FBXW11: variants seen among roughly 807,000 people sequenced by gnomAD.
The protein encoded by FBXW11 is F-box and WD repeat domain containing 11.
FBXW11 carries 19 observed loss-of-function variants against 77.6 expected under a neutral mutation model. The observed-to-expected ratio is 0.24, with a 90% CI of 0.17 to 0.36. The LOEUF is 0.36. Ranked by LOEUF, FBXW11 falls within the 10% of genes least tolerant of loss-of-function variation. The pLI is 1.00. For missense variants in FBXW11, 334 were observed against 704.2 expected (o/e 0.47, Z 5.95); for synonymous variants, 235 against 249.4 (o/e 0.94, Z 0.54).
chr5:171,948,870 A>T (rs1156594434), intron 2 of FBXW11, among the ~76,000 whole-genome samples: 1 of 152,236 alleles, frequency 6.6e-6, no homozygotes, highest in Non-Finnish European at 1.5e-5. Flanking sequence ...TAGTAAGGCA[A>T]GGTATAGTTT....
chr5:171,945,959 T>C (rs968419827), intron 2 of FBXW11, among the ~76,000 whole-genome samples: 3 of 152,202 alleles, frequency 2.0e-5, no homozygotes, highest in Non-Finnish European at 4.4e-5. Context: ...TATGGCCAGT[T>C]GTTTGGTCAA....
At position 171,871,124 on chromosome 5, in the gene FBXW11, G is replaced by A. The variant is rs187413917; in HGVS notation, c.1341-266C>T. ...GATTTGAAACTGTTTTTAATCATGC[G>A]TCTGTATTACTATTTAAATAAAATC... On this transcript the variant is annotated intron_variant, in intron 10 of 13. Transcript: ENST00000517395. Among the ~76,000 whole-genome samples the A allele has an allele frequency of 2.6e-4, 40 of 152,166 alleles. No individual in the cohort carries two copies. The East Asian group carries it at 2.7e-3, about 10-fold the overall frequency.
At chr5:171,987,481 C>CA (rs1164891865) in intron 1 of FBXW11, among the ~76,000 whole-genome samples, 1 of 151,980 alleles carries the variant, frequency 6.6e-6, no homozygotes, top group Non-Finnish European at 1.5e-5. Context: ...GGCGGAGTGC[C>CA]ACTCTACTGC....
Position 171,974,499 on chromosome 5 carries a change from T to C in FBXW11, c.46-16801A>G, listed in dbSNP as rs10475996. Among the ~76,000 whole-genome samples, 1,415 of 150,816 alleles carry C rather than the reference T, an allele frequency of 9.4e-3. 26 individuals carry two copies. The highest frequency in any genetic ancestry group is 0.033 in the African/African-American group (1,348 of 41,058). On this transcript the variant is annotated intron_variant, in intron 1 of 13. Coordinates refer to ENST00000517395, the MANE Select transcript of FBXW11 (RefSeq NM_001378974.1). ...ATATACAGGTAGCACATCAAACACATGATTTTATAGGTTTTAATTGCTTAT... is the reference window on the plus strand; with the variant it reads ...ATATACAGGTAGCACATCAAACACACGATTTTATAGGTTTTAATTGCTTAT...
intron 1 of FBXW11, among the ~76,000 whole-genome samples, chr5:171,978,061 G>C (rs1328844602): frequency 1.3e-5 from 2 of 152,038 alleles, no homozygotes. Flanking sequence ...AACTCTAAAG[G>C]ACAAGCAGAG....
At chr5:171,888,573 C>T (rs1017427251) in intron 7 of FBXW11, among the ~76,000 whole-genome samples, 2 of 152,236 alleles carry the variant, frequency 1.3e-5, no homozygotes, top group African/African-American at 4.8e-5. Context: ...CTTAAAAACA[C>T]ACTTACCCAA....
rs201476061 is a variant in FBXW11, at chr5:171,881,066, G to GTA, written c.853-2939_853-2938dup. On this transcript the variant is annotated intron_variant, in intron 7 of 13. Coordinates refer to ENST00000517395, the MANE Select transcript of FBXW11 (RefSeq NM_001378974.1). ...CTATATGGGTAAGCAACTGACTTAA[G>GTA]TATATTAACCTTGTATCCGGCAAAC... Among the ~76,000 whole-genome samples, 928 of 152,288 alleles carry GTA rather than the reference G, an allele frequency of 6.1e-3. 6 individuals are homozygous for GTA. Among genetic ancestry groups the GTA allele is most frequent in the Non-Finnish European group, 9.0e-3 (609 of 68,020 alleles).
chr5:171,891,379 T>A (rs1759335596), intron 7 of FBXW11, 88 bp downstream of exon 7: 1 of 1,297,296 alleles, frequency 7.7e-7, no homozygotes. Context: ...TAAAAACCAA[T>A]CTAGAGTAAA....
intron 2 of FBXW11, among the ~76,000 whole-genome samples, chr5:171,915,470 T>C (rs1044743158): frequency 6.6e-6 from 1 of 152,150 alleles, no homozygotes; most frequent in African/African-American, 2.4e-5. Flanking sequence ...CCAATGTAGG[T>C]AATGATGTAA....
rs1310419699 is a variant in FBXW11, at chr5:171,869,779, C to T, written c.1480G>A (p.Ala494Thr). 1.2e-6 allele frequency: 2 copies of T among 1,610,452 alleles called. No homozygotes were observed. Among genetic ancestry groups the T allele is most frequent in the Non-Finnish European group, 1.7e-6 (2 of 1,178,034 alleles). The change falls in exon 12 of 14, where the codon GCT becomes ACT. Residue 494 changes from alanine (A) to threonine (T), a missense_variant. Physicochemically the swap from Ala to Thr is moderately conservative, Grantham distance 58. This residue lies in a region of FBXW11 where 30 missense variants were observed against 50.7 expected (regional missense o/e 0.59). Coordinates refer to ENST00000517395, the MANE Select transcript of FBXW11 (RefSeq NM_001378974.1). This position sits in a 1 kb window ranked among gnomAD's most constrained non-coding sequence, Gnocchi z 4.1. ...GKIKVWDLQA[A>T]LDPRAPASTL... is the part of the protein sequence containing the mutation. ...CTTGCTGGGGCTCGAGGGTCAAGAG[C>T]AGCTTGCAAGTCCCAAACTTTAATT...
chr5:171,899,862 G>T, intron 5 of FBXW11, 52 bp downstream of exon 5: 1 of 1,426,098 alleles, frequency 7.0e-7, no homozygotes, highest in Non-Finnish European at 9.4e-7. Context: ...TAATCAAGCT[G>T]ACTCTATGTC....
At chr5:171,912,460 G>C (rs1055491363) in intron 3 of FBXW11, among the ~76,000 whole-genome samples, 1 of 152,152 alleles carries the variant, frequency 6.6e-6, no homozygotes, top group African/African-American at 2.4e-5. Context: ...GCAAGAATAA[G>C]GGGCATCTAA....
At chr5:171,891,239 T>C (rs1265298803) in intron 7 of FBXW11, among the ~76,000 whole-genome samples, 2 of 152,120 alleles carry the variant, frequency 1.3e-5, no homozygotes, top group South Asian at 2.1e-4. Flanking sequence ...ATACAGAATA[T>C]AGAATGTGAA....
chr5:171,923,909 C>CTTTTTTTTTTTTTTTTTTTT (rs70982354), intron 2 of FBXW11, among the ~76,000 whole-genome samples: 1 of 49,130 alleles, frequency 2.0e-5, no homozygotes, highest in African/African-American at 9.0e-5. Context: ...GAAACCCCAC[C>CTTTTTTTTTTTTTTTTTTTT]TTTTTTTTTT....
intron 1 of FBXW11, among the ~76,000 whole-genome samples, chr5:171,989,769 T>A (rs1765633647): frequency 6.6e-6 from 1 of 152,248 alleles, no homozygotes; most frequent in Non-Finnish European, 1.5e-5. Context: ...GTGAGAGTGG[T>A]ATCAAAGACA....
chr5:171,966,550 T>C (rs1280703826), intron 1 of FBXW11, among the ~76,000 whole-genome samples: 1 of 152,182 alleles, frequency 6.6e-6, no homozygotes, highest in Non-Finnish European at 1.5e-5. Context: ...TCCTCAGTTG[T>C]ACTAGGACCA....
chr5:171,980,400 T>C (rs1224506895), intron 1 of FBXW11, among the ~76,000 whole-genome samples: 1 of 152,158 alleles, frequency 6.6e-6, no homozygotes, highest in Non-Finnish European at 1.5e-5. Context: ...TAAGACCTGC[T>C]ATCCATCAAA....
intron 1 of FBXW11, among the ~76,000 whole-genome samples, chr5:171,972,923 G>C (rs191374783): frequency 1.4e-4 from 21 of 152,246 alleles, no homozygotes; most frequent in Admixed American, 1.1e-3. Context: ...AACCACCTGT[G>C]GACATTCCAG....
intron 1 of FBXW11, 26 bp from the exon 2 acceptor site, chr5:171,957,724 G>T: frequency 6.2e-7 from 1 of 1,602,108 alleles, no homozygotes; most frequent in South Asian, 1.1e-5. Context: ...AAGGAAGGAA[G>T]AGAAGAAGCA....
Sources: gnomAD v4.1 joint callset for allele counts (sites outside exome capture counted in the v4.1 genomes callset) on GRCh38, gnomAD v4.1.1 for gene constraint, gnomAD v4.1.1 regional missense constraint, Gnocchi (gnomAD v3.1) non-coding constraint, MANE v1.5 for transcripts, NCBI Gene and HGNC (gene_info 2026-07-23, HGNC 2026-07-21) for gene names.